Variants in FAM107B observed in about 807,000 individuals in gnomAD.
FAM107B encodes protein FAM107B.
In FAM107B, 21 loss-of-function variants were observed where a neutral mutation model predicts 31.5. The ratio of observed to expected loss-of-function variants is 0.67; its 90% CI spans 0.47 to 0.96. FAM107B has a LOEUF of 0.96. Ranked by LOEUF, FAM107B falls within the 40% of genes least tolerant of loss-of-function variation. FAM107B has a pLI of 0.00. For synonymous variants in FAM107B, 157 were observed against 141.5 expected (o/e 1.11, Z -0.78); for missense variants, 452 against 377.1 (o/e 1.20, Z -1.64).
intron 1 of FAM107B, among the ~76,000 whole-genome samples, chr10:14,722,843 A>T (rs1418058735): frequency 1.3e-5 from 2 of 151,916 alleles, no homozygotes; most frequent in Admixed American, 6.6e-5. Context: ...TCTATTTTTT[A>T]TTTTATTGCT....
intron 2 of FAM107B, among the ~76,000 whole-genome samples, chr10:14,629,409 A>ATT (rs1588669198): frequency 1.8e-3 from 2 of 1,104 alleles, no homozygotes; most frequent in South Asian, 0.25. Flanking sequence ...TTATATATTT[A>ATT]ATATATATAA....
intron 1 of FAM107B, among the ~76,000 whole-genome samples, chr10:14,737,611 C>T (rs1363311319): frequency 6.6e-6 from 1 of 151,048 alleles, no homozygotes; most frequent in African/African-American, 2.5e-5. Flanking sequence ...GAGACTCGGC[C>T]TCCAAAACAA....
At chr10:14,677,269 T>C (rs1017934807) in intron 1 of FAM107B, among the ~76,000 whole-genome samples, 2 of 151,988 alleles carry the variant, frequency 1.3e-5, no homozygotes, top group African/African-American at 4.8e-5. Flanking sequence ...CTCAAACCCG[T>C]GATATAAAGC....
chr10:14,544,203 T>G (rs1018447420), intron 2 of FAM107B, among the ~76,000 whole-genome samples: 1 of 152,112 alleles, frequency 6.6e-6, no homozygotes, highest in East Asian at 1.9e-4. Context: ...AACACATTTT[T>G]AAAAAATCAA....
At chr10:14,663,559 A>C (rs1386855334) in intron 2 of FAM107B, 2 of 152,258 alleles carry the variant, frequency 1.3e-5, no homozygotes, top group African/African-American at 4.8e-5. Flanking sequence ...GTACCCATTG[A>C]CAGCAAACCA....
chr10:14,634,855 C>T (rs1191866464), intron 2 of FAM107B, among the ~76,000 whole-genome samples: 5 of 152,114 alleles, frequency 3.3e-5, no homozygotes, highest in South Asian at 2.1e-4. Context: ...TTTAGGAGGC[C>T]GAGGCAGGCA....
intron 2 of FAM107B, among the ~76,000 whole-genome samples, chr10:14,551,239 C>A (rs1849231280): frequency 6.6e-6 from 1 of 152,046 alleles, no homozygotes; most frequent in Non-Finnish European, 1.5e-5. Flanking sequence ...TCTCTGCCTC[C>A]CAGTTTTAAG....
At position 14,659,269 on chromosome 10, in the gene FAM107B, C is replaced by T. The variant is rs537069227; in HGVS notation, c.469+8365G>A. ...CAGCCTCACCAACATGGCAAAACCC[C>T]GTCTCTACTGAAAATACAAAAATTA... On this transcript the variant is annotated intron_variant, in intron 2 of 4. Transcript: ENST00000181796. Among the ~76,000 whole-genome samples, 27 of 152,114 alleles carry T rather than the reference C, an allele frequency of 1.8e-4. 1 individual carries two copies. The highest frequency in any genetic ancestry group is 6.2e-4 in the South Asian group (3 of 4,816).
At chr10:14,579,240 T>G (rs1851558971) in intron 2 of FAM107B, among the ~76,000 whole-genome samples, 1 of 152,230 alleles carries the variant, frequency 6.6e-6, no homozygotes, top group African/African-American at 2.4e-5. Context: ...GTCGGCCAGC[T>G]AAGCATCATT....
intron 1 of FAM107B, among the ~76,000 whole-genome samples, chr10:14,685,535 G>C (rs1854963101): frequency 6.6e-6 from 1 of 152,108 alleles, no homozygotes; most frequent in South Asian, 2.1e-4. Flanking sequence ...CAACCATAAA[G>C]AAAGGCAAGT....
At chr10:14,604,044 C>G (rs1345531820) in intron 2 of FAM107B, among the ~76,000 whole-genome samples, 4 of 146,494 alleles carry the variant, frequency 2.7e-5, no homozygotes, top group African/African-American at 9.8e-5. Flanking sequence ...CCCTGAGCCC[C>G]GGCACCTCCC....
intron 1 of FAM107B, among the ~76,000 whole-genome samples, chr10:14,693,236 G>A (rs1421122134): frequency 6.6e-6 from 1 of 152,174 alleles, no homozygotes; most frequent in Admixed American, 6.5e-5. Context: ...AGCACTTTGG[G>A]AGGCCAAGGT....
intron 1 of FAM107B, among the ~76,000 whole-genome samples, chr10:14,767,035 TATATATATATATATATATATAG>T (rs1669771274): frequency 3.6e-5 from 1 of 28,122 alleles, no homozygotes; most frequent in Admixed American, 5.6e-4. Flanking sequence ...TATATATATA[TATATATATATATATATATATAG>T]AGAGAGAGAG....
chr10:14,744,957 C>G (rs1310789823), intron 1 of FAM107B, among the ~76,000 whole-genome samples: 1 of 151,946 alleles, frequency 6.6e-6, no homozygotes, highest in Non-Finnish European at 1.5e-5. Context: ...GGTTGGTAGG[C>G]TATTTATTAT....
rs1357424825 is a variant in FAM107B, at chr10:14,559,111, AAAAAAAC to A, written c.470-28603_470-28597del. On this transcript the variant is annotated intron_variant, in intron 2 of 4. Transcript: ENST00000181796. Reference sequence around the variant, plus strand: ...ACCTGTGGAACTTCAAAAAAAAAAAAAAAAAACAAAAAAAAAACACCTGGTGTCTAGC... The same window carrying A: ...ACCTGTGGAACTTCAAAAAAAAAAAAAAAAAAAAAACACCTGGTGTCTAGC... Among the ~76,000 whole-genome samples, 72 of 34,732 alleles carry A rather than the reference AAAAAAAC, an allele frequency of 2.1e-3. 2 individuals are homozygous for A. Among genetic ancestry groups the A allele is most frequent in the African/African-American group, 5.5e-3 (65 of 11,808 alleles). The allele number at this position is 34,732 out of a possible 152,430, so 22.8% of individuals were successfully genotyped here. A position where few individuals can be genotyped will look rare whatever the true frequency, so the allele number is the denominator to read the frequency against.
chr10:14,707,156 A>C (rs1855540317), intron 1 of FAM107B, among the ~76,000 whole-genome samples: 1 of 152,044 alleles, frequency 6.6e-6, no homozygotes, highest in Admixed American at 6.6e-5. Context: ...CAACAAAAAA[A>C]CAAAACAACA....
At chr10:14,556,895 T>A (rs1015989791) in intron 2 of FAM107B, among the ~76,000 whole-genome samples, 1 of 152,246 alleles carries the variant, frequency 6.6e-6, no homozygotes, top group Non-Finnish European at 1.5e-5. Flanking sequence ...CTGCTTCTCA[T>A]GCCTCATGCC....
chr10:14,711,053 C>G (rs553736160), intron 1 of FAM107B, among the ~76,000 whole-genome samples: 1 of 152,268 alleles, frequency 6.6e-6, no homozygotes, highest in East Asian at 1.9e-4. Context: ...GCTGGGACTA[C>G]AGGCCTACCA....
chr10:14,677,482 G>A (rs965787501), intron 1 of FAM107B, among the ~76,000 whole-genome samples: 2 of 152,100 alleles, frequency 1.3e-5, no homozygotes, highest in Non-Finnish European at 2.9e-5. Flanking sequence ...TTAGCCGGGC[G>A]TGGTGGTGGG....
Sources: allele counts gnomAD v4.1 joint callset (sites outside exome capture counted in the v4.1 genomes callset), GRCh38; gene constraint gnomAD v4.1.1; transcripts MANE v1.5; gene names NCBI Gene and HGNC (gene_info 2026-07-23, HGNC 2026-07-21).